LRBA: variants seen among roughly 807,000 people sequenced by gnomAD.
LRBA encodes the protein lipopolysaccharide-responsive and beige-like anchor protein.
Under a neutral mutation model 330.0 loss-of-function variants are expected in LRBA, and 176 were observed. That is an observed-to-expected ratio of 0.53 (90% CI 0.47 to 0.60). The LOEUF (loss-of-function observed/expected upper bound fraction) is 0.60, where lower values mean the gene tolerates loss of function less well. LRBA is among the 20% of genes least tolerant of loss of function. LRBA has a pLI of 0.00. For synonymous variants in LRBA, 1,230 were observed against 1,193.0 expected, an observed-to-expected ratio of 1.03 and a Z score of -0.64; for missense variants, 3,259 against 3,444.8, an observed-to-expected ratio of 0.95 and a Z score of 1.35.
intron 36 of LRBA, among the ~76,000 whole-genome samples, chr4:150,697,340 A>AAAAAC (rs1250339953): frequency 2.0e-5 from 3 of 148,734 alleles, no homozygotes; most frequent in Non-Finnish European, 4.5e-5. Flanking sequence ...AAAAAAAAAA[A>AAAAAC]AAAAAAAAAA....
At chr4:150,460,969 G>C (rs1479738273) in intron 44 of LRBA, among the ~76,000 whole-genome samples, 2 of 151,730 alleles carry the variant, frequency 1.3e-5, no homozygotes, top group Non-Finnish European at 2.9e-5. Context: ...GCATATTACA[G>C]TACTCAATTA....
intron 34 of LRBA, among the ~76,000 whole-genome samples, chr4:150,768,272 G>A (rs567942796): frequency 2.6e-5 from 4 of 152,060 alleles, no homozygotes; most frequent in East Asian, 1.9e-4. Flanking sequence ...CAACAAAGTA[G>A]AGGAATCAAC....
chr4:150,477,349 A>G (rs1756826825), intron 42 of LRBA, among the ~76,000 whole-genome samples: 1 of 152,130 alleles, frequency 6.6e-6, no homozygotes, highest in Non-Finnish European at 1.5e-5. Context: ...CTAAGAAAAG[A>G]AGTTTAATTG....
chr4:150,583,551 C>A lies in LRBA; in HGVS notation c.6330+4497G>T. ...ATGTGGTGCAAATCACTCCGGCGTT[C>A]AAGTGCACCGGGATCTGGCCTCGCA... On this transcript the variant is annotated intron_variant, in intron 40 of 56. Transcript: ENST00000651943. This position sits in a 1 kb window ranked among gnomAD's most constrained non-coding sequence, Gnocchi z 9.8. The A allele has an allele frequency of 6.2e-7, 1 of 1,613,806 alleles. No homozygotes were observed. The highest frequency in any genetic ancestry group is 8.5e-7 in the Non-Finnish European group (1 of 1,179,878).
intron 56 of LRBA, among the ~76,000 whole-genome samples, chr4:150,277,037 A>G (rs1459702667): frequency 2.0e-5 from 3 of 152,234 alleles, no homozygotes; most frequent in Non-Finnish European, 4.4e-5. Flanking sequence ...ATGCCCATCA[A>G]TGATAGACTG....
intron 44 of LRBA, among the ~76,000 whole-genome samples, chr4:150,458,589 C>CTGGTCTAATTTT (rs1413796569): frequency 2.0e-5 from 3 of 151,816 alleles, no homozygotes; most frequent in Non-Finnish European, 2.9e-5. Flanking sequence ...ATTCCCTGCT[C>CTGGTCTAATTTT]TGGTCTAATT....
At chr4:150,544,646 C>T (rs1399477320) in intron 40 of LRBA, among the ~76,000 whole-genome samples, 1 of 152,122 alleles carries the variant, frequency 6.6e-6, no homozygotes, top group African/African-American at 2.4e-5. Flanking sequence ...TTGTTCACCC[C>T]CTGTTGGCAT....
intron 47 of LRBA, among the ~76,000 whole-genome samples, chr4:150,367,550 T>C (rs1739628560): frequency 6.6e-6 from 1 of 152,240 alleles, no homozygotes; most frequent in Non-Finnish European, 1.5e-5. Flanking sequence ...GTTCACAAGC[T>C]GCCCAGTAAC....
intron 36 of LRBA, among the ~76,000 whole-genome samples, chr4:150,711,033 G>A (rs1294846524): frequency 3.3e-5 from 5 of 151,414 alleles, no homozygotes; most frequent in South Asian, 2.1e-4. Context: ...AGTAACAGAC[G>A]TATAAAAGAA....
intron 22 of LRBA, among the ~76,000 whole-genome samples, chr4:150,865,916 A>C (rs1467312199): frequency 6.6e-6 from 1 of 152,064 alleles, no homozygotes; most frequent in Admixed American, 6.6e-5. Flanking sequence ...GCGTTTCACC[A>C]TGTTGGCCAG....
intron 37 of LRBA, among the ~76,000 whole-genome samples, chr4:150,629,887 C>T (rs1269314412): frequency 2.0e-5 from 3 of 152,174 alleles, no homozygotes; most frequent in Admixed American, 6.5e-5. Context: ...AAGAGAATCA[C>T]TTGAACCCTG....
chr4:150,550,690 A>G (rs1166205091), intron 40 of LRBA, among the ~76,000 whole-genome samples: 1 of 152,174 alleles, frequency 6.6e-6, no homozygotes, highest in Admixed American at 6.5e-5. Flanking sequence ...GTTGTCCCCA[A>G]AATATGATGA....
intron 40 of LRBA, among the ~76,000 whole-genome samples, chr4:150,561,238 A>G (rs1215218787): frequency 6.6e-5 from 10 of 152,090 alleles, no homozygotes; most frequent in African/African-American, 2.4e-4. Flanking sequence ...AGCTATTCCA[A>G]ATGAGAACTT....
At chr4:150,540,315 G>A (rs1317516651) in intron 40 of LRBA, among the ~76,000 whole-genome samples, 4 of 152,136 alleles carry the variant, frequency 2.6e-5, no homozygotes, top group Non-Finnish European at 5.9e-5. Flanking sequence ...CTAGGTTCAA[G>A]CGATTCAAGT....
rs368684252 is a variant in LRBA at position 150,504,806 on chromosome 4, T to A, written c.6331-13771A>T. On this transcript the variant is annotated intron_variant, in intron 40 of 56. Transcript: ENST00000651943. Reference sequence around the variant, plus strand: ...AAATTGGATAAAGAGTCAAGACCCATCAGTGTGCTGTATTCAGGAGACCCA... The same window carrying A: ...AAATTGGATAAAGAGTCAAGACCCAACAGTGTGCTGTATTCAGGAGACCCA... Among the ~76,000 whole-genome samples, 50 of 152,232 alleles carry A rather than the reference T, an allele frequency of 3.3e-4. No individual in the cohort carries two copies. In the South Asian group the frequency reaches 6.4e-3, roughly 20 times the overall value.
At chr4:150,717,198 T>G (rs1728310354) in intron 36 of LRBA, among the ~76,000 whole-genome samples, 1 of 152,256 alleles carries the variant, frequency 6.6e-6, no homozygotes, top group African/African-American at 2.4e-5. Context: ...AACATTTACC[T>G]CAGAGGACTG....
chr4:150,703,206 A>T (rs537637200), intron 36 of LRBA, among the ~76,000 whole-genome samples: 1 of 152,350 alleles, frequency 6.6e-6, no homozygotes, highest in Admixed American at 6.5e-5. Context: ...TTAAATGCTC[A>T]TTAAGAAAAA....
At position 150,265,814 on chromosome 4, in the gene LRBA, TAGG is replaced by T; in HGVS notation, c.8469-5_8469-3del. The T allele has an allele frequency of 1.3e-6, 2 of 1,594,676 alleles. No homozygotes were observed. Among genetic ancestry groups the T allele is most frequent in the African/African-American group, 1.3e-5 (1 of 74,602 alleles). ...GAAGCCATGCCAGAAATGATGCACC[TAGG>T]AGAAGCACAGAGAGAAGGACTTTTA... is the stretch of plus-strand genomic sequence containing the variant. On this transcript the variant is annotated splice_polypyrimidine_tract_variant and splice_region_variant and intron_variant, in intron 56 of 56. Transcript: ENST00000651943.
intron 36 of LRBA, among the ~76,000 whole-genome samples, chr4:150,717,044 T>A (rs1024589740): frequency 1.3e-5 from 2 of 152,166 alleles, no homozygotes; most frequent in African/African-American, 2.4e-5. Context: ...TTAGGCCACA[T>A]AGCAAAGAGA....
Sources: gnomAD v4.1 joint callset for allele counts (sites outside exome capture counted in the v4.1 genomes callset) on GRCh38, gnomAD v4.1.1 for gene constraint, Gnocchi (gnomAD v3.1) non-coding constraint, MANE v1.5 for transcripts, NCBI Gene and HGNC (gene_info 2026-07-23, HGNC 2026-07-21) for gene names.